Variants in TMEM39A observed in about 807,000 individuals in gnomAD.
TMEM39A encodes suppressor of SQST-1 aggregates in rpl-43 mutants.
Under a neutral mutation model 51.9 loss-of-function variants are expected in TMEM39A, and 19 were observed. The ratio of observed to expected loss-of-function variants is 0.37; its 90% CI spans 0.26 to 0.54. The LOEUF (loss-of-function observed/expected upper bound fraction) is 0.54, where lower values mean the gene tolerates loss of function less well. Ranked by LOEUF, TMEM39A falls within the 20% of genes least tolerant of loss-of-function variation. TMEM39A has a pLI of 0.88. For synonymous variants in TMEM39A, 197 were observed against 220.2 expected (o/e 0.89, Z 0.93); for missense variants, 433 against 590.5 (o/e 0.73, Z 2.76).
chr3:119,431,160 C>T lies in TMEM39A; in HGVS notation c.*821G>A, dbSNP rs944441163. On this transcript the variant is annotated 3_prime_UTR_variant, in exon 9 of 9. Coordinates refer to ENST00000319172, the MANE Select transcript of TMEM39A (RefSeq NM_018266.3). ...TTGTTCAGCTGAGGACTTGCCCACTCTCCCAGTTACTTGGAATTTTCAACC... is the reference window on the plus strand; with the variant it reads ...TTGTTCAGCTGAGGACTTGCCCACTTTCCCAGTTACTTGGAATTTTCAACC... 6.6e-6 allele frequency: 1 copy of T among 152,150 alleles called. No individual in the cohort carries two copies. The highest frequency in any genetic ancestry group is 1.5e-5 in the Non-Finnish European group (1 of 68,020). The allele number at this position is 152,150 out of a possible 1,614,324, so 9.4% of individuals were successfully genotyped here.
At position 119,461,547 on chromosome 3, in the gene TMEM39A, A is replaced by C. The variant is rs547344488; in HGVS notation, c.113+415T>G. ...TGGCATGGGCTAACCCAGCTAAAAA[A>C]CAGCTAACATTTATTAAGACCAAAC... On this transcript the variant is annotated intron_variant, in intron 2 of 8. Coordinates refer to ENST00000319172, the MANE Select transcript of TMEM39A (RefSeq NM_018266.3). 3.9e-5 allele frequency among the ~76,000 whole-genome samples: 6 copies of C among 152,374 alleles called. No homozygotes were observed. In the East Asian group the frequency reaches 1.2e-3, roughly 29 times the overall value.
chr3:119,446,927 A>T, intron 5 of TMEM39A, 91 bp downstream of exon 5: 1 of 1,350,674 alleles, frequency 7.4e-7, no homozygotes, highest in Non-Finnish European at 1.0e-6. Flanking sequence ...ATATTTGAAG[A>T]ATTTCATTTT....
At chr3:119,456,371 T>C (rs975377010) in intron 3 of TMEM39A, among the ~76,000 whole-genome samples, 10 of 152,220 alleles carry the variant, frequency 6.6e-5, no homozygotes, top group Admixed American at 5.2e-4. Flanking sequence ...TCACATGATA[T>C]TAAGTAGACA....
At chr3:119,461,104 G>A (rs911137744) in intron 2 of TMEM39A, among the ~76,000 whole-genome samples, 1 of 152,106 alleles carries the variant, frequency 6.6e-6, no homozygotes, top group Non-Finnish European at 1.5e-5. Flanking sequence ...ACGAACGGCA[G>A]AGTAAAAAAT....
At chr3:119,460,997 TAA>T (rs1393577963) in intron 2 of TMEM39A, among the ~76,000 whole-genome samples, 1 of 152,204 alleles carries the variant, frequency 6.6e-6, no homozygotes, top group Non-Finnish European at 1.5e-5. Context: ...TAAAATTCAG[TAA>T]AGTTTTTTAA....
chr3:119,455,813 G>C (rs2107686593), intron 3 of TMEM39A, among the ~76,000 whole-genome samples: 1 of 152,290 alleles, frequency 6.6e-6, no homozygotes, highest in Admixed American at 6.5e-5. Flanking sequence ...GAAGTTTCCA[G>C]GGAAATGTCA....
chr3:119,457,961 TC>T, intron 3 of TMEM39A, 56 bp downstream of exon 3: 1 of 1,326,084 alleles, frequency 7.5e-7, no homozygotes. Flanking sequence ...AGAAAGGCTT[TC>T]CAGGTAGTTT....
At position 119,429,667 on chromosome 3, in the gene TMEM39A, C is replaced by T. The variant is rs912611304; in HGVS notation, c.*2314G>A. 7 of 152,182 alleles carry T rather than the reference C, an allele frequency of 4.6e-5. No homozygotes were observed. The East Asian group carries it at 7.7e-4, about 17-fold the overall frequency. The allele number at this position is 152,182 out of a possible 1,614,324, so 9.4% of individuals were successfully genotyped here. ...AAAACAAAACAACAAAACAAACAAA[C>T]AAAAAACAGCTGGAATGTGTAGAAC... On this transcript the variant is annotated 3_prime_UTR_variant, in exon 9 of 9. Coordinates refer to ENST00000319172, the MANE Select transcript of TMEM39A (RefSeq NM_018266.3).
At position 119,438,015 on chromosome 3, in the gene TMEM39A, C is replaced by G; in HGVS notation, c.664G>C (p.Glu222Gln). 1.2e-6 allele frequency: 2 copies of G among 1,614,064 alleles called. No individual in the cohort carries two copies. The highest frequency in any genetic ancestry group is 2.2e-5 in the South Asian group (2 of 91,076). Residue 222 changes from glutamate to glutamine, a missense_variant, in exon 6 of 9, where the codon GAG becomes CAG. Coordinates refer to ENST00000319172, the MANE Select transcript of TMEM39A (RefSeq NM_018266.3). ...LTDYNYVVQH[E>Q]AVEESASTVG... ...GTCGAGGCACTTTCCTCTACTGCCTCGTGCTGAACCACATAGTTGTAGTCT... is the reference window on the plus strand; with the variant it reads ...GTCGAGGCACTTTCCTCTACTGCCTGGTGCTGAACCACATAGTTGTAGTCT...
At chr3:119,459,905 A>G (rs1258538973) in intron 2 of TMEM39A, among the ~76,000 whole-genome samples, 9 of 151,750 alleles carry the variant, frequency 5.9e-5, no homozygotes, top group Admixed American at 2.6e-4. Flanking sequence ...TCATCTGGAC[A>G]CTCCTTCTTT....
chr3:119,442,243 T>G (rs543240026), intron 5 of TMEM39A, among the ~76,000 whole-genome samples: 1 of 151,412 alleles, frequency 6.6e-6, no homozygotes, highest in South Asian at 2.1e-4. Context: ...CTTGGGAGGC[T>G]GAGGCAGGAC....
intron 3 of TMEM39A, among the ~76,000 whole-genome samples, chr3:119,454,395 G>A (rs1322362066): frequency 6.6e-6 from 1 of 152,082 alleles, no homozygotes; most frequent in Non-Finnish European, 1.5e-5. Flanking sequence ...ACTCCTCCTT[G>A]CCTACCCTAC....
chr3:119,458,665 C>T (rs971538429), intron 2 of TMEM39A, among the ~76,000 whole-genome samples: 46 of 152,054 alleles, frequency 3.0e-4, no homozygotes, highest in African/African-American at 4.1e-4. Flanking sequence ...GAGGCCGAGG[C>T]GGGCGGAACA....
At chr3:119,455,406 A>G (rs2081251087) in intron 3 of TMEM39A, among the ~76,000 whole-genome samples, 2 of 152,238 alleles carry the variant, frequency 1.3e-5, no homozygotes, top group African/African-American at 4.8e-5. Context: ...TGTGCATCAG[A>G]TAAGTGAGCC....
At chr3:119,457,088 A>T (rs1008783685) in intron 3 of TMEM39A, among the ~76,000 whole-genome samples, 1 of 151,510 alleles carries the variant, frequency 6.6e-6, no homozygotes, top group Admixed American at 6.6e-5. Flanking sequence ...CTCCGGCCTC[A>T]GCCTCCCAAG....
rs555385154 is a variant in TMEM39A at position 119,433,258 on chromosome 3, T to C, written c.1234-1044A>G. On this transcript the variant is annotated intron_variant, in intron 8 of 8. Coordinates refer to ENST00000319172, the MANE Select transcript of TMEM39A (RefSeq NM_018266.3). ...CCTGGAGTTTGACAGCTATAGGTAA[T>C]AGGCACACTTTAAATGACTGTTTTG... 5.3e-5 allele frequency among the ~76,000 whole-genome samples: 8 copies of C among 152,312 alleles called. No homozygotes were observed. In the South Asian group the frequency reaches 1.5e-3, roughly 28 times the overall value.
At chr3:119,443,063 C>T (rs1373883835) in intron 5 of TMEM39A, among the ~76,000 whole-genome samples, 2 of 53,072 alleles carry the variant, frequency 3.8e-5, no homozygotes, top group Admixed American at 2.3e-4. Flanking sequence ...GACCCTGTCT[C>T]AAAAAAAAAA....
In TMEM39A at chr3:119,451,568, C is replaced by T. The variant is rs556246015; in HGVS notation, c.420+879G>A. Among the ~76,000 whole-genome samples the T allele has an allele frequency of 1.5e-3, 235 of 152,244 alleles. 1 individual carries two copies. The highest frequency in any genetic ancestry group is 5.3e-3 in the African/African-American group (222 of 41,560). ...AAATGAGGCCAGGCATGGTGGCTCA[C>T]GCCTGTAATCCCAGCACTTCGGGAG... On this transcript the variant is annotated intron_variant, in intron 4 of 8. Coordinates refer to ENST00000319172, the MANE Select transcript of TMEM39A (RefSeq NM_018266.3).
chr3:119,431,956 T>C lies in TMEM39A; in HGVS notation c.*25A>G, dbSNP rs1424042452. 4 of 1,441,644 alleles carry C rather than the reference T, an allele frequency of 2.8e-6. No individual in the cohort carries two copies. The highest frequency in any genetic ancestry group is 2.8e-6 in the Non-Finnish European group (3 of 1,060,286). 89.3% of individuals were successfully genotyped at this position (1,441,644 alleles called of 1,614,324 possible). A position where few individuals can be genotyped will look rare whatever the true frequency, so the allele number is the denominator to read the frequency against. ...ACGTATGAAAATATTTTTATCTGAG[T>C]TCTCCCTCATTGTTGAGAGGCAGCT... On this transcript the variant is annotated 3_prime_UTR_variant, in exon 9 of 9. Coordinates refer to ENST00000319172, the MANE Select transcript of TMEM39A (RefSeq NM_018266.3).
Sources: allele counts gnomAD v4.1 joint callset (sites outside exome capture counted in the v4.1 genomes callset), GRCh38; gene constraint gnomAD v4.1.1; transcripts MANE v1.5; gene names NCBI Gene and HGNC (gene_info 2026-07-23, HGNC 2026-07-21).